The following AVEN variants were observed in gnomAD, a reference collection of about 807,000 sequenced individuals.
AVEN encodes apoptosis and caspase activation inhibitor.
Under a neutral mutation model 38.1 loss-of-function variants are expected in AVEN, and 41 were observed. The observed-to-expected ratio is 1.08, with a 90% CI of 0.84 to 1.40. The LOEUF is 1.40. Ranked by LOEUF, AVEN falls within the 40% of genes most tolerant of loss-of-function variation. AVEN has a pLI of 0.00. For missense variants in AVEN, 605 were observed against 438.8 expected (o/e 1.38, Z -3.38); for synonymous variants, 206 against 171.8 (o/e 1.20, Z -1.56).
At chr15:33,976,716 A>T (rs1895904346) in intron 2 of AVEN, among the ~76,000 whole-genome samples, 2 of 152,154 alleles carry the variant, frequency 1.3e-5, no homozygotes, top group South Asian at 2.1e-4. Context: ...CAAAAAAAAA[A>T]TTTAACATAA....
At chr15:33,893,145 T>A (rs1892058330) in intron 2 of AVEN, among the ~76,000 whole-genome samples, 1 of 152,210 alleles carries the variant, frequency 6.6e-6, no homozygotes, top group Admixed American at 6.5e-5. Flanking sequence ...TTTCTAAATA[T>A]ACGATCATGT....
chr15:33,966,288 C>G (rs1375702099), intron 2 of AVEN, among the ~76,000 whole-genome samples: 1 of 152,118 alleles, frequency 6.6e-6, no homozygotes, highest in Non-Finnish European at 1.5e-5. Context: ...TTTTGCTCAC[C>G]TTTTCCCATT....
At chr15:34,071,251 C>T (rs193032608) in intron 1 of AVEN, among the ~76,000 whole-genome samples, 1 of 152,184 alleles carries the variant, frequency 6.6e-6, no homozygotes, top group East Asian at 1.9e-4. Flanking sequence ...ACTCACTTAC[C>T]CCAATATTAC....
chr15:33,874,721 C>T (rs1434762600), intron 3 of AVEN, among the ~76,000 whole-genome samples: 1 of 152,174 alleles, frequency 6.6e-6, no homozygotes, highest in Non-Finnish European at 1.5e-5. Context: ...GTCTCATTCA[C>T]TTTGAATAAG....
At chr15:33,867,922 T>A (rs535897385) in intron 4 of AVEN, 67 bp from the exon 5 acceptor site, 25 of 1,500,952 alleles carry the variant, frequency 1.7e-5, no homozygotes, top group Non-Finnish European at 2.2e-5. Flanking sequence ...AGTAAATACA[T>A]AGGAGGCTAA....
chr15:33,961,088 C>A (rs1014694832), intron 2 of AVEN, among the ~76,000 whole-genome samples: 2 of 152,134 alleles, frequency 1.3e-5, no homozygotes, highest in Non-Finnish European at 2.9e-5. Context: ...GAAGCCTCGA[C>A]CTCCTGGGTT....
chr15:33,870,904 AC>A (rs1275712642), intron 4 of AVEN, 30 bp downstream of exon 4: 10 of 1,551,258 alleles, frequency 6.4e-6, no homozygotes, highest in Non-Finnish European at 8.9e-6. Context: ...GCCCTAATCC[AC>A]CCGCTTCAAG....
intron 1 of AVEN, 135 bp from the exon 2 acceptor site, chr15:34,003,344 T>A: frequency 2.7e-6 from 2 of 744,128 alleles, no homozygotes; most frequent in South Asian, 1.8e-5. Flanking sequence ...TATTAAATAT[T>A]ATTTTAAGAG....
intron 5 of AVEN, chr15:34,062,716 G>A: frequency 6.2e-7 from 1 of 1,603,350 alleles, no homozygotes; most frequent in Non-Finnish European, 8.5e-7. Flanking sequence ...TTTTGCACCA[G>A]GATGGAAGGG....
chr15:34,063,851 C>T lies in AVEN; in HGVS notation n.1127-419G>A, dbSNP rs1310769693. On this transcript the variant is annotated intron_variant and non_coding_transcript_variant, in intron 4 of 11. Transcript: ENST00000675287. This position sits in a 1 kb window ranked among gnomAD's most constrained non-coding sequence, Gnocchi z 4.1. ...GACCCAAGAGTCAGAAATGTGTGGC[C>T]TATAAGTTCCGATTGGTGGTAAAAG... The T allele has an allele frequency of 1.2e-6, 2 of 1,614,156 alleles. No individual in the cohort carries two copies. The highest frequency in any genetic ancestry group is 3.3e-5 in the Admixed American group (2 of 60,018).
intron 2 of AVEN, among the ~76,000 whole-genome samples, chr15:33,951,273 C>T (rs1894734208): frequency 6.6e-6 from 1 of 152,120 alleles, no homozygotes. Context: ...CAAAACATTC[C>T]TCACAGTATT....
At chr15:33,873,395 C>T (rs999976721) in intron 3 of AVEN, among the ~76,000 whole-genome samples, 2 of 150,422 alleles carry the variant, frequency 1.3e-5, no homozygotes, top group African/African-American at 4.9e-5. Flanking sequence ...CCACTGCGCC[C>T]GCCCCCTCTC....
chr15:33,961,784 G>T (rs1225977434), intron 2 of AVEN, among the ~76,000 whole-genome samples: 5 of 115,488 alleles, frequency 4.3e-5, no homozygotes, highest in Admixed American at 3.8e-4. Context: ...CTGCACTCCA[G>T]CCTGGGCGAC....
chr15:34,044,817 G>A (rs1385300446), intron 5 of AVEN, among the ~76,000 whole-genome samples: 7 of 152,212 alleles, frequency 4.6e-5, no homozygotes, highest in South Asian at 2.1e-4. Flanking sequence ...TTGGGAGGCC[G>A]AGGCGGGAGG....
chr15:33,985,833 T>C (rs1372347356), intron 2 of AVEN, among the ~76,000 whole-genome samples: 1 of 152,110 alleles, frequency 6.6e-6, no homozygotes, highest in Non-Finnish European at 1.5e-5. Flanking sequence ...TTCTAGGAAA[T>C]GTTCAAAAAT....
At chr15:33,875,807 T>G in intron 3 of AVEN, 118 bp downstream of exon 3, 1 of 962,164 alleles carries the variant, frequency 1.0e-6, no homozygotes, top group Non-Finnish European at 1.5e-6. Context: ...TAGCTGAGGG[T>G]ACACTGTAAG....
chr15:33,960,889 T>C (rs912983647), intron 2 of AVEN, among the ~76,000 whole-genome samples: 3 of 152,234 alleles, frequency 2.0e-5, no homozygotes, highest in African/African-American at 7.2e-5. Flanking sequence ...GCTAAACTGT[T>C]TGTTCAACTG....
At position 34,073,986 on chromosome 15, in the gene AVEN, CTTCTTT is replaced by C. The variant is rs1374327513; in HGVS notation, n.720+444_720+449del. On this transcript the variant is annotated intron_variant and non_coding_transcript_variant, in intron 1 of 11. Coordinates refer to the AVEN transcript ENST00000675287. ...TGGAGGAACTTTCTTTTTTCTTCTT[CTTCTTT>C]TTTTTTTTTTTTTTTTTTTTTTTGA... Among the ~76,000 whole-genome samples, 1,011 of 112,140 alleles carry C rather than the reference CTTCTTT, an allele frequency of 9.0e-3. 133 individuals are homozygous for C. Among genetic ancestry groups the C allele is most frequent in the African/African-American group, 0.022 (539 of 24,236 alleles). 73.6% of individuals were successfully genotyped at this position (112,140 alleles called of 152,430 possible). A position where few individuals can be genotyped will look rare whatever the true frequency, so the allele number is the denominator to read the frequency against.
intron 2 of AVEN, among the ~76,000 whole-genome samples, chr15:33,964,573 A>T (rs553960148): frequency 6.6e-6 from 1 of 152,194 alleles, no homozygotes; most frequent in Non-Finnish European, 1.5e-5. Context: ...GTTTCCTAAT[A>T]ATCAACTGTA....
Sources: gnomAD v4.1 joint callset for allele counts (sites outside exome capture counted in the v4.1 genomes callset) on GRCh38, gnomAD v4.1.1 for gene constraint, Gnocchi (gnomAD v3.1) non-coding constraint, MANE v1.5 for transcripts, NCBI Gene and HGNC (gene_info 2026-07-23, HGNC 2026-07-21) for gene names.